FBXL17: variants seen among roughly 807,000 people sequenced by gnomAD.
The protein encoded by FBXL17 is F-box/LRR-repeat protein 17.
In FBXL17, 22 loss-of-function variants were observed where a neutral mutation model predicts 66.2. That is an observed-to-expected ratio of 0.33 (90% CI 0.24 to 0.47). The LOEUF (loss-of-function observed/expected upper bound fraction) is 0.47, where lower values mean the gene tolerates loss of function less well. Ranked by LOEUF, FBXL17 falls within the 20% of genes least tolerant of loss-of-function variation. FBXL17 has a pLI of 1.00. For missense variants in FBXL17, 878 were observed against 948.2 expected (o/e 0.93, Z 0.97); for synonymous variants, 474 against 400.5 (o/e 1.18, Z -2.19).
chr5:108,320,901 T>C (rs1561527727), intron 4 of FBXL17, among the ~76,000 whole-genome samples: 1 of 151,796 alleles, frequency 6.6e-6, no homozygotes, highest in Non-Finnish European at 1.5e-5. Context: ...ATCACGCAAA[T>C]TTGTTTAAAG....
rs568233888 is a variant in FBXL17 at position 108,363,438 on chromosome 5, G to A, written c.1374+1300C>T. Among the ~76,000 whole-genome samples the A allele has an allele frequency of 9.9e-5, 15 of 151,766 alleles. No homozygotes were observed. In the South Asian group the frequency reaches 1.9e-3, roughly 19 times the overall value. ...TTACTTAAGAAGAAAACTACCTAAG[G>A]GGAAAAAAATTTGTTTTGCTACTTT... On this transcript the variant is annotated intron_variant, in intron 3 of 8. Coordinates refer to ENST00000542267, the MANE Select transcript of FBXL17 (RefSeq NM_001163315.3).
intron 7 of FBXL17, among the ~76,000 whole-genome samples, chr5:107,980,664 A>ATATATATATATATATATATTT: frequency 3.2e-5 from 2 of 62,072 alleles, no homozygotes; most frequent in East Asian, 1.1e-3. Context: ...ATATATATAT[A>ATATATATATATATATATATTT]TTTTTTTTTT....
intron 1 of FBXL17, among the ~76,000 whole-genome samples, chr5:108,373,420 TATA>T (rs1749200866): frequency 6.8e-6 from 1 of 147,060 alleles, no homozygotes; most frequent in South Asian, 2.1e-4. Flanking sequence ...TATTTATTTA[TATA>T]ATGTGAGAAT....
At chr5:108,339,031 T>C (rs543385879) in intron 4 of FBXL17, among the ~76,000 whole-genome samples, 1 of 152,254 alleles carries the variant, frequency 6.6e-6, no homozygotes, top group Non-Finnish European at 1.5e-5. Context: ...TTTGTGATAA[T>C]GACTACAATA....
At chr5:108,076,557 A>T (rs80109195) in intron 6 of FBXL17, among the ~76,000 whole-genome samples, 3 of 149,272 alleles carry the variant, frequency 2.0e-5, no homozygotes, top group Non-Finnish European at 3.0e-5. Flanking sequence ...TGATTTTTTT[A>T]AAGAAAATTA....
intron 5 of FBXL17, among the ~76,000 whole-genome samples, chr5:108,220,610 T>A (rs1448021067): frequency 6.6e-6 from 1 of 152,208 alleles, no homozygotes; most frequent in East Asian, 1.9e-4. Flanking sequence ...CATTTTTATA[T>A]ATTTTATTTC....
intron 3 of FBXL17, among the ~76,000 whole-genome samples, chr5:108,352,027 G>T (rs968683868): frequency 2.6e-5 from 4 of 152,202 alleles, no homozygotes; most frequent in African/African-American, 9.6e-5. Flanking sequence ...CAGGCCACGT[G>T]GATAACCACA....
intron 7 of FBXL17, among the ~76,000 whole-genome samples, chr5:107,987,332 A>G (rs1402125477): frequency 2.0e-5 from 3 of 151,888 alleles, no homozygotes; most frequent in Non-Finnish European, 4.4e-5. Flanking sequence ...TTTTTGTAAA[A>G]AGAAATTTCA....
chr5:108,283,482 A>G (rs1757779789), intron 4 of FBXL17, among the ~76,000 whole-genome samples: 1 of 151,846 alleles, frequency 6.6e-6, no homozygotes, highest in South Asian at 2.1e-4. Flanking sequence ...GGACTGCCAT[A>G]TGAAGGATAA....
chr5:108,208,867 T>C (rs1373703336), intron 5 of FBXL17, among the ~76,000 whole-genome samples: 2 of 152,204 alleles, frequency 1.3e-5, no homozygotes, highest in African/African-American at 4.8e-5. Context: ...GGCAGCTTCA[T>C]GGGGATAGCT....
intron 7 of FBXL17, among the ~76,000 whole-genome samples, chr5:107,961,806 A>G (rs1189168002): frequency 6.6e-6 from 1 of 152,176 alleles, no homozygotes; most frequent in Non-Finnish European, 1.5e-5. Context: ...TTCTCAGCTA[A>G]ACTTTTTTAT....
At chr5:108,036,515 C>A (rs190414105) in intron 6 of FBXL17, among the ~76,000 whole-genome samples, 12 of 152,128 alleles carry the variant, frequency 7.9e-5, no homozygotes, top group Admixed American at 5.9e-4. Context: ...GCAACCCCTA[C>A]GAATACCATA....
At chr5:108,065,690 A>C (rs1748090468) in intron 6 of FBXL17, among the ~76,000 whole-genome samples, 1 of 152,172 alleles carries the variant, frequency 6.6e-6, no homozygotes, top group African/African-American at 2.4e-5. Context: ...TGAGAAAACA[A>C]GAAATGAATT....
intron 4 of FBXL17, among the ~76,000 whole-genome samples, chr5:108,261,130 G>C (rs1756802852): frequency 6.6e-6 from 1 of 151,948 alleles, no homozygotes; most frequent in Admixed American, 6.6e-5. Flanking sequence ...TGTTGATTTA[G>C]AAAATCAAAC....
intron 8 of FBXL17, chr5:107,879,737 C>G: frequency 1.0e-6 from 1 of 985,378 alleles, no homozygotes; most frequent in African/African-American, 1.7e-5. Context: ...TAGATTTGTT[C>G]CTAATCACCA....
intron 7 of FBXL17, among the ~76,000 whole-genome samples, chr5:108,001,829 G>A (rs528605411): frequency 3.2e-4 from 45 of 142,612 alleles, no homozygotes; most frequent in Non-Finnish European, 5.6e-4. Context: ...GTTAGTTTCC[G>A]ACATCTCAAA....
At chr5:108,236,684 T>C (rs546239321) in intron 4 of FBXL17, among the ~76,000 whole-genome samples, 54 of 152,288 alleles carry the variant, frequency 3.5e-4, no homozygotes, top group African/African-American at 1.1e-3. Flanking sequence ...CCACCCTCAA[T>C]GAAAAAGAGC....
intron 1 of FBXL17, among the ~76,000 whole-genome samples, chr5:108,377,874 C>T (rs1021613936): frequency 6.6e-6 from 1 of 152,188 alleles, no homozygotes; most frequent in African/African-American, 2.4e-5. Flanking sequence ...TAACAATCAA[C>T]ATGTAGGGCA....
At chr5:108,075,949 T>C (rs573573057) in intron 6 of FBXL17, among the ~76,000 whole-genome samples, 2 of 152,350 alleles carry the variant, frequency 1.3e-5, no homozygotes, top group Non-Finnish European at 2.9e-5. Flanking sequence ...CAAATGAGTA[T>C]TCATAAATTA....
Sources: gnomAD v4.1 joint callset for allele counts (sites outside exome capture counted in the v4.1 genomes callset) on GRCh38, gnomAD v4.1.1 for gene constraint, MANE v1.5 for transcripts, NCBI Gene and HGNC (gene_info 2026-07-23, HGNC 2026-07-21) for gene names.